The following PRKCA variants were observed in gnomAD, a reference collection of about 807,000 sequenced individuals.
PRKCA encodes the protein protein kinase C alpha type.
A neutral mutation model predicts 87.0 loss-of-function variants in PRKCA; 27 were observed. That is an observed-to-expected ratio of 0.31 (90% CI 0.23 to 0.43). PRKCA has a LOEUF of 0.43. Among genes scored for constraint, PRKCA ranks in the 20% least tolerant of loss-of-function variants. The pLI is 1.00. For synonymous variants in PRKCA, 329 were observed against 311.1 expected, an observed-to-expected ratio of 1.06 and a Z score of -0.61; for missense variants, 518 against 852.3, an observed-to-expected ratio of 0.61 and a Z score of 4.88.
intron 2 of PRKCA, among the ~76,000 whole-genome samples, chr17:66,441,485 A>T (rs1913754759): frequency 6.6e-6 from 1 of 152,186 alleles, no homozygotes; most frequent in Admixed American, 6.5e-5. Flanking sequence ...TCTAAAAATG[A>T]ACTGAAACCC....
chr17:66,775,777 T>G, intron 14 of PRKCA: 1 of 983,446 alleles, frequency 1.0e-6, no homozygotes, highest in Non-Finnish European at 1.2e-6. Flanking sequence ...CACTGAATGC[T>G]TACAATGTGC....
Position 66,689,114 on chromosome 17 carries a change from TGTTGTG to T in PRKCA, c.918+70_918+75del. 5.9e-6 allele frequency: 6 copies of T among 1,008,410 alleles called. No individual in the cohort carries two copies. Among genetic ancestry groups the T allele is most frequent in the Non-Finnish European group, 5.9e-6 (4 of 680,950 alleles). 62.5% of individuals were successfully genotyped at this position (1,008,410 alleles called of 1,614,324 possible). Reference sequence around the variant, plus strand: ...AGCCCAACTTCAGGAACGGCCGAGATGTTGTGGTCACATTTTTGAAAAGCAAAAAAA... The same window carrying T: ...AGCCCAACTTCAGGAACGGCCGAGATGTCACATTTTTGAAAAGCAAAAAAA... On this transcript the variant is annotated intron_variant, in intron 8 of 16. Coordinates refer to ENST00000413366, the MANE Select transcript of PRKCA (RefSeq NM_002737.3). This position sits in a 1 kb window ranked among gnomAD's most constrained non-coding sequence, Gnocchi z 4.1.
At chr17:66,314,875 A>ATATGTGTG (rs376227848) in intron 2 of PRKCA, among the ~76,000 whole-genome samples, 2 of 148,560 alleles carry the variant, frequency 1.3e-5, no homozygotes, top group African/African-American at 5.0e-5. Context: ...ATATATATAT[A>ATATGTGTG]TGTGTGTGTG....
intron 3 of PRKCA, among the ~76,000 whole-genome samples, chr17:66,532,065 C>A (rs1469108130): frequency 2.0e-5 from 3 of 151,948 alleles, no homozygotes; most frequent in Non-Finnish European, 4.4e-5. Flanking sequence ...CTGAGCAGAT[C>A]AGGGTGAATT....
At chr17:66,639,515 G>C (rs937011725) in intron 3 of PRKCA, 31 of 152,128 alleles carry the variant, frequency 2.0e-4, no homozygotes, top group African/African-American at 7.5e-4. Flanking sequence ...AGCCTCTCAA[G>C]TAGCTGGGAT....
At chr17:66,566,480 G>GTTTTTTTTTTT (rs56912157) in intron 3 of PRKCA, among the ~76,000 whole-genome samples, 15 of 97,022 alleles carry the variant, frequency 1.5e-4, no homozygotes, top group East Asian at 3.5e-4. Context: ...TTGTTTTTTG[G>GTTTTTTTTTTT]TTTTTTTTTT....
rs75161442 is a variant in PRKCA at position 66,447,761 on chromosome 17, C to T, written c.206-48440C>T. 3.7e-4 allele frequency among the ~76,000 whole-genome samples: 57 copies of T among 152,344 alleles called. No homozygotes were observed. In the East Asian group the frequency reaches 0.01, roughly 28 times the overall value. On this transcript the variant is annotated intron_variant, in intron 2 of 16. Coordinates refer to ENST00000413366, the MANE Select transcript of PRKCA (RefSeq NM_002737.3). ...GCCCTTTGTGCTCCATCCCCACCTC[C>T]GCTCATTCCAGTTTCACCTGGGGCT...
chr17:66,735,423 T>C, intron 9 of PRKCA, 66 bp from the exon 10 acceptor site: 7 of 1,573,722 alleles, frequency 4.4e-6, no homozygotes, highest in Non-Finnish European at 6.1e-6. Context: ...CCTGGCCTGG[T>C]TCCTTCCCTC....
At chr17:66,740,396 T>C (rs1317402483) in intron 11 of PRKCA, among the ~76,000 whole-genome samples, 1 of 152,070 alleles carries the variant, frequency 6.6e-6, no homozygotes, top group Non-Finnish European at 1.5e-5. Context: ...AGTTCCGCAG[T>C]GAGGAAACCT....
intron 13 of PRKCA, among the ~76,000 whole-genome samples, chr17:66,754,387 A>G (rs138563234): frequency 0.014 from 2,157 of 152,198 alleles, 25 homozygotes; most frequent in Middle Eastern, 0.031. Flanking sequence ...GCGACAGTAA[A>G]GCAAGAGCCA....
intron 3 of PRKCA, among the ~76,000 whole-genome samples, chr17:66,633,729 C>G (rs1448394740): frequency 6.6e-6 from 1 of 152,188 alleles, no homozygotes; most frequent in Non-Finnish European, 1.5e-5. Flanking sequence ...TAACCAAAAC[C>G]CTGCCATTAT....
chr17:66,777,751 G>A (rs917112756), intron 14 of PRKCA: 3 of 985,284 alleles, frequency 3.0e-6, no homozygotes, highest in Non-Finnish European at 3.6e-6. Flanking sequence ...ACATGCAAAA[G>A]GGGCTGGGCG....
intron 3 of PRKCA, among the ~76,000 whole-genome samples, chr17:66,504,733 T>C (rs1598726936): frequency 6.6e-6 from 1 of 152,194 alleles, no homozygotes; most frequent in African/African-American, 2.4e-5. Context: ...GATGGTGACA[T>C]TTCAAGATGT....
In PRKCA at chr17:66,368,386, A is replaced by ATTTTTTTTT. The variant is rs1180540465; in HGVS notation, c.205+62276_205+62284dup. Among the ~76,000 whole-genome samples, 8 of 25,466 alleles carry ATTTTTTTTT rather than the reference A, an allele frequency of 3.1e-4. 1 individual carries two copies. The highest frequency in any genetic ancestry group is 8.4e-4 in the African/African-American group (7 of 8,376). 16.7% of individuals were successfully genotyped at this position (25,466 alleles called of 152,430 possible). On this transcript the variant is annotated intron_variant, in intron 2 of 16. Transcript: ENST00000413366. ...TATGTATATATATATATATATATAT[A>ATTTTTTTTT]TTTTTTTTTTTTTTTTTTTTTTTTT...
intron 2 of PRKCA, among the ~76,000 whole-genome samples, chr17:66,311,453 A>C (rs905106193): frequency 6.6e-6 from 1 of 152,042 alleles, no homozygotes; most frequent in African/African-American, 2.4e-5. Flanking sequence ...CCATCGCTAC[A>C]AAAAATAGAA....
At chr17:66,777,368 A>G in intron 14 of PRKCA, 1 of 985,032 alleles carries the variant, frequency 1.0e-6, no homozygotes. Context: ...ATTATTTCTC[A>G]ATGGTGTTAA....
At chr17:66,699,724 C>T (rs138918042) in intron 8 of PRKCA, among the ~76,000 whole-genome samples, 147 of 152,308 alleles carry the variant, frequency 9.7e-4, no homozygotes, top group African/African-American at 3.5e-3. Flanking sequence ...ATAGGTGGGA[C>T]TACAGGCATG....
chr17:66,705,255 A>C (rs1280376681), intron 8 of PRKCA, among the ~76,000 whole-genome samples: 2 of 152,224 alleles, frequency 1.3e-5, no homozygotes, highest in Non-Finnish European at 2.9e-5. Context: ...CAAAGTCTTA[A>C]ACTGATATAG....
At chr17:66,359,308 C>T (rs1908246677) in intron 2 of PRKCA, among the ~76,000 whole-genome samples, 1 of 152,148 alleles carries the variant, frequency 6.6e-6, no homozygotes, top group African/African-American at 2.4e-5. Flanking sequence ...TGAAAACCTA[C>T]ACTCAACAGA....
Sources: allele counts gnomAD v4.1 joint callset (sites outside exome capture counted in the v4.1 genomes callset), GRCh38; gene constraint gnomAD v4.1.1; non-coding constraint Gnocchi (gnomAD v3.1); transcripts MANE v1.5; gene names NCBI Gene and HGNC (gene_info 2026-07-23, HGNC 2026-07-21).